NR2F1-AS1: variants seen among roughly 807,000 people sequenced by gnomAD.
The protein encoded by NR2F1-AS1 is NR2F1 regulatory antisense RNA 1, also known as NR2F1 antisense RNA 1.
chr5:93,499,458 G>A (rs150326100), intron 4 of NR2F1-AS1, among the ~76,000 whole-genome samples: 1 of 152,140 alleles, frequency 6.6e-6, no homozygotes, highest in African/African-American at 2.4e-5. Flanking sequence ...TACTGTATCT[G>A]GTATGGTGAT....
chr5:93,518,894 T>TCTCC (rs1316323990), intron 4 of NR2F1-AS1, among the ~76,000 whole-genome samples: 1 of 152,080 alleles, frequency 6.6e-6, no homozygotes, highest in Non-Finnish European at 1.5e-5. Context: ...GAGATCATCA[T>TCTCC]GGTACAGACT....
chr5:93,572,354 A>C (rs1231181102), intron 1 of NR2F1-AS1, among the ~76,000 whole-genome samples: 2 of 152,214 alleles, frequency 1.3e-5, no homozygotes, highest in African/African-American at 4.8e-5. Flanking sequence ...GCGGGCAGAC[A>C]GAGGCGCCCG....
chr5:93,549,225 TTATACAAC>T (rs1269857710), intron 4 of NR2F1-AS1, among the ~76,000 whole-genome samples: 6 of 152,300 alleles, frequency 3.9e-5, no homozygotes, highest in African/African-American at 1.4e-4. Context: ...ATTGCCATGT[TTATACAAC>T]TATGTGTAAC....
intron 4 of NR2F1-AS1, among the ~76,000 whole-genome samples, chr5:93,474,441 T>C (rs1750437461): frequency 2.6e-5 from 4 of 152,200 alleles, no homozygotes; most frequent in Admixed American, 2.0e-4. Context: ...TTTTTAAGAA[T>C]GTCTTAGTCC....
At chr5:93,413,436 C>T (rs567397658) in intron 4 of NR2F1-AS1, among the ~76,000 whole-genome samples, 29 of 152,138 alleles carry the variant, frequency 1.9e-4, no homozygotes, top group African/African-American at 6.3e-4. Context: ...CTTCTGTGGG[C>T]TCTCTCATCT....
chr5:93,410,445 G>C (rs1748830257), intron 4 of NR2F1-AS1: 1 of 152,526 alleles, frequency 6.6e-6, no homozygotes, highest in African/African-American at 2.4e-5. Context: ...GTGAGCAGTG[G>C]GCCAGTAAGC....
At chr5:93,468,930 C>T (rs1750305580) in intron 4 of NR2F1-AS1, among the ~76,000 whole-genome samples, 1 of 152,120 alleles carries the variant, frequency 6.6e-6, no homozygotes, top group African/African-American at 2.4e-5. Flanking sequence ...TTGTTTTTCT[C>T]AGGTTTGTCA....
chr5:93,532,787 T>A (rs117884323), intron 4 of NR2F1-AS1, among the ~76,000 whole-genome samples: 1 of 152,362 alleles, frequency 6.6e-6, no homozygotes, highest in East Asian at 1.9e-4. Context: ...CAGTATTGGA[T>A]TATGCAGCCA....
intron 4 of NR2F1-AS1, among the ~76,000 whole-genome samples, chr5:93,545,832 G>C (rs908865815): frequency 1.3e-5 from 2 of 152,092 alleles, no homozygotes. Context: ...TACTACTTGG[G>C]AGACAAAGTC....
intron 3 of NR2F1-AS1, among the ~76,000 whole-genome samples, chr5:93,554,139 C>T (rs1427763245): frequency 1.3e-5 from 2 of 152,194 alleles, no homozygotes; most frequent in South Asian, 2.1e-4. Flanking sequence ...TTAACTAAAA[C>T]GAAGATTGTT....
intron 4 of NR2F1-AS1, among the ~76,000 whole-genome samples, chr5:93,508,715 T>C (rs1450978619): frequency 6.6e-6 from 1 of 151,564 alleles, no homozygotes; most frequent in Non-Finnish European, 1.5e-5. Flanking sequence ...ACATGAATGA[T>C]TATAAAAAAA....
intron 4 of NR2F1-AS1, among the ~76,000 whole-genome samples, chr5:93,456,400 C>A (rs1749947203): frequency 6.6e-6 from 1 of 152,092 alleles, no homozygotes; most frequent in Admixed American, 6.6e-5. Flanking sequence ...TGTAAAAGAT[C>A]TGTACAATGA....
At chr5:93,571,822 TCTGGAGGGGG>T (rs1752775582) in intron 1 of NR2F1-AS1, among the ~76,000 whole-genome samples, 1 of 151,166 alleles carries the variant, frequency 6.6e-6, no homozygotes, top group Non-Finnish European at 1.5e-5. Flanking sequence ...ACAGCTCACA[TCTGGAGGGGG>T]TTCCCCTTTG....
In NR2F1-AS1 at chr5:93,579,427, T is replaced by G. The variant is rs1752968504; in HGVS notation, n.313+1040A>C. Among the ~76,000 whole-genome samples the G allele has an allele frequency of 6.6e-6, 1 of 152,100 alleles. No individual in the cohort carries two copies. Among genetic ancestry groups the G allele is most frequent in the South Asian group, 2.1e-4 (1 of 4,824 alleles). Reference sequence around the variant, plus strand: ...TCACGCCGGGTCCCAGGGGCCTCTTTCAAGTTTGAAAGCTCTGTGGGGGCA... The same window carrying G: ...TCACGCCGGGTCCCAGGGGCCTCTTGCAAGTTTGAAAGCTCTGTGGGGGCA... On this transcript the variant is annotated intron_variant and non_coding_transcript_variant, in intron 1 of 5. Coordinates refer to ENST00000660523, the Ensembl canonical transcript of NR2F1-AS1. This position sits in a 1 kb window ranked among gnomAD's most constrained non-coding sequence, Gnocchi z 5.1.
intron 4 of NR2F1-AS1, among the ~76,000 whole-genome samples, chr5:93,462,312 T>G (rs1750114753): frequency 6.6e-6 from 1 of 152,162 alleles, no homozygotes; most frequent in Non-Finnish European, 1.5e-5. Context: ...GGAGTTTCGC[T>G]GCACAAGCTC....
intron 2 of NR2F1-AS1, among the ~76,000 whole-genome samples, chr5:93,562,587 C>A (rs181311037): frequency 2.0e-4 from 31 of 152,292 alleles, no homozygotes; most frequent in Admixed American, 1.9e-3. Context: ...AGCCACCATA[C>A]CCAGCCTCAA....
intron 4 of NR2F1-AS1, among the ~76,000 whole-genome samples, chr5:93,540,572 T>C (rs1261052112): frequency 6.6e-6 from 1 of 152,222 alleles, no homozygotes; most frequent in Non-Finnish European, 1.5e-5. Flanking sequence ...CTTCAGTGTT[T>C]CCTCTATAAT....
chr5:93,571,680 A>G (rs184293224), intron 1 of NR2F1-AS1, among the ~76,000 whole-genome samples: 1 of 152,126 alleles, frequency 6.6e-6, no homozygotes, highest in Non-Finnish European at 1.5e-5. Flanking sequence ...GCTATCTCTC[A>G]ATGCAATAAG....
At chr5:93,434,652 T>C (rs1749396525) in intron 4 of NR2F1-AS1, among the ~76,000 whole-genome samples, 1 of 152,224 alleles carries the variant, frequency 6.6e-6, no homozygotes, top group African/African-American at 2.4e-5. Flanking sequence ...TTATCTAATG[T>C]AATATGTAGA....
Sources: gnomAD v4.1 joint callset for allele counts (sites outside exome capture counted in the v4.1 genomes callset) on GRCh38, gnomAD v4.1.1 for gene constraint, Gnocchi (gnomAD v3.1) non-coding constraint, MANE v1.5 for transcripts, NCBI Gene and HGNC (gene_info 2026-07-23, HGNC 2026-07-21) for gene names.